Variants in MSRA observed in about 807,000 individuals in gnomAD.
The protein encoded by MSRA is mitochondrial peptide methionine sulfoxide reductase.
A neutral mutation model predicts 31.3 loss-of-function variants in MSRA; 54 were observed. That is an observed-to-expected ratio of 1.73 (90% CI 1.39 to 2.17). MSRA has a LOEUF of 2.17. MSRA is among the 30% of genes most tolerant of loss of function. The pLI is 0.00. For synonymous variants in MSRA, 169 were observed against 116.5 expected (o/e 1.45, Z -2.90); for missense variants, 507 against 300.9 (o/e 1.69, Z -5.07).
chr8:10,306,104 T>G (rs1398200292), intron 4 of MSRA, among the ~76,000 whole-genome samples: 3 of 152,098 alleles, frequency 2.0e-5, no homozygotes, highest in Admixed American at 2.0e-4. Flanking sequence ...GTACCCAGAC[T>G]CCCACTGTCT....
chr8:10,425,040 G>T (rs1809055191), intron 5 of MSRA, among the ~76,000 whole-genome samples: 1 of 152,204 alleles, frequency 6.6e-6, no homozygotes, highest in South Asian at 2.1e-4. Flanking sequence ...GGCAGCGGAC[G>T]AAGGGGGACC....
chr8:10,119,036 C>G (rs1800902120), intron 1 of MSRA, among the ~76,000 whole-genome samples: 2 of 152,170 alleles, frequency 1.3e-5, no homozygotes, highest in African/African-American at 2.4e-5. Context: ...TCCCCGCCTT[C>G]CCTGGGACGT....
At chr8:10,422,775 C>T (rs373192019) in intron 5 of MSRA, among the ~76,000 whole-genome samples, 56 of 152,284 alleles carry the variant, frequency 3.7e-4, no homozygotes, top group Admixed American at 2.6e-3. Flanking sequence ...GGAGCTGGGC[C>T]GGGGCTACCC....
chr8:10,071,691 G>A (rs1005109800), intron 1 of MSRA, among the ~76,000 whole-genome samples: 1 of 151,990 alleles, frequency 6.6e-6, no homozygotes, highest in Non-Finnish European at 1.5e-5. Flanking sequence ...TTTTGTTTCA[G>A]GTTGAGGTTG....
chr8:10,388,767 TG>T, intron 5 of MSRA, among the ~76,000 whole-genome samples: 1 of 151,916 alleles, frequency 6.6e-6, no homozygotes, highest in East Asian at 1.9e-4. Flanking sequence ...AATTCCGTGT[TG>T]GGGGAGGGGA....
In MSRA at chr8:10,400,218, C is replaced by T. The variant is rs148713123; in HGVS notation, c.544-27930C>T. ...TGTGGAGGCCAGGCTGGAATGGGAT[C>T]GGGCTGGGGCAGGGAGAGGGGCTAA... On this transcript the variant is annotated intron_variant, in intron 5 of 5. Transcript: ENST00000317173. 7.8e-4 allele frequency among the ~76,000 whole-genome samples: 118 copies of T among 151,746 alleles called. 1 individual carries two copies. The East Asian group carries it at 0.014, about 18-fold the overall frequency.
At chr8:10,269,443 T>C (rs1437787250) in intron 3 of MSRA, among the ~76,000 whole-genome samples, 1 of 152,216 alleles carries the variant, frequency 6.6e-6, no homozygotes, top group Non-Finnish European at 1.5e-5. Flanking sequence ...CTCGATCACT[T>C]CTGTAGGGCT....
At chr8:10,260,963 G>A (rs966160624) in intron 3 of MSRA, among the ~76,000 whole-genome samples, 2 of 152,146 alleles carry the variant, frequency 1.3e-5, no homozygotes, top group African/African-American at 4.8e-5. Flanking sequence ...TAAGCACAAA[G>A]TGAAAAACAA....
chr8:10,368,640 G>GCTGTTTT (rs1805302875), intron 5 of MSRA, among the ~76,000 whole-genome samples: 1 of 152,214 alleles, frequency 6.6e-6, no homozygotes, highest in Non-Finnish European at 1.5e-5. Context: ...TTTTCAAGAT[G>GCTGTTTT]CACTGTTCCA....
chr8:10,139,727 T>C (rs1041795964), intron 1 of MSRA, among the ~76,000 whole-genome samples: 1 of 152,260 alleles, frequency 6.6e-6, no homozygotes, highest in African/African-American at 2.4e-5. Context: ...ACTGTATGTA[T>C]GTATATGTAT....
intron 1 of MSRA, among the ~76,000 whole-genome samples, chr8:10,096,494 T>G (rs769785203): frequency 6.6e-6 from 1 of 152,190 alleles, no homozygotes; most frequent in Non-Finnish European, 1.5e-5. Context: ...TGGTAGAGAA[T>G]AGAAATTTAA....
chr8:10,356,184 C>G (rs553890053), intron 5 of MSRA, among the ~76,000 whole-genome samples: 1 of 152,326 alleles, frequency 6.6e-6, no homozygotes, highest in Admixed American at 6.5e-5. Context: ...TGTCTTTTCT[C>G]TAGATCAAGC....
chr8:10,083,694 C>G (rs930443767), intron 1 of MSRA, among the ~76,000 whole-genome samples: 1 of 151,318 alleles, frequency 6.6e-6, no homozygotes, highest in African/African-American at 2.4e-5. Flanking sequence ...TTTTTTTTTC[C>G]TTATTCTGAC....
intron 5 of MSRA, among the ~76,000 whole-genome samples, chr8:10,376,778 A>G (rs1322745265): frequency 6.6e-6 from 1 of 152,350 alleles, no homozygotes; most frequent in South Asian, 2.1e-4. Context: ...TGCTGAATAT[A>G]TAAAGACAAC....
chr8:10,326,435 G>T (rs1298156274), intron 5 of MSRA: 1 of 152,118 alleles, frequency 6.6e-6, no homozygotes, highest in African/African-American at 2.4e-5. Context: ...TCAGAGTTTT[G>T]GCTGAAGAAG....
chr8:10,066,430 C>G (rs371459956), intron 1 of MSRA, among the ~76,000 whole-genome samples: 2 of 152,202 alleles, frequency 1.3e-5, no homozygotes, highest in Admixed American at 6.5e-5. Flanking sequence ...TACACACACA[C>G]GCACAATTGT....
chr8:10,297,458 A>G (rs1050015309), intron 3 of MSRA, among the ~76,000 whole-genome samples: 1 of 152,248 alleles, frequency 6.6e-6, no homozygotes, highest in African/African-American at 2.4e-5. Flanking sequence ...CACGGCTTGA[A>G]GTATTTTTAA....
chr8:10,375,172 A>C lies in MSRA; in HGVS notation c.544-52976A>C, dbSNP rs148449592. On this transcript the variant is annotated intron_variant, in intron 5 of 5. Coordinates refer to ENST00000317173, the MANE Select transcript of MSRA (RefSeq NM_012331.5). ...GGAATAACACACTTGTACAGCCACA[A>C]ATCTGCTCCCCCTCTTCCTACTTAT... 1.1e-3 allele frequency among the ~76,000 whole-genome samples: 174 copies of C among 152,250 alleles called. 1 individual carries two copies. Among genetic ancestry groups the C allele is most frequent in the African/African-American group, 3.9e-3 (162 of 41,552 alleles).
intron 1 of MSRA, among the ~76,000 whole-genome samples, chr8:10,153,525 T>G (rs1803891418): frequency 6.6e-6 from 1 of 152,146 alleles, no homozygotes; most frequent in Non-Finnish European, 1.5e-5. Flanking sequence ...TTCCTTTTTT[T>G]TTGCCATTTT....
Sources: gnomAD v4.1 joint callset for allele counts (sites outside exome capture counted in the v4.1 genomes callset) on GRCh38, gnomAD v4.1.1 for gene constraint, MANE v1.5 for transcripts, NCBI Gene and HGNC (gene_info 2026-07-23, HGNC 2026-07-21) for gene names.